The following PARD3B variants were observed in gnomAD, a reference collection of about 807,000 sequenced individuals.
The protein encoded by PARD3B is partitioning defective 3 homolog B.
In PARD3B, 103 loss-of-function variants were observed where a neutral mutation model predicts 130.2. The observed-to-expected ratio is 0.79, with a 90% confidence interval of 0.67 to 0.93. The LOEUF is 0.93. Ranked by LOEUF, PARD3B falls within the 40% of genes least tolerant of loss-of-function variation. PARD3B has a pLI of 0.00. For synonymous variants in PARD3B, 583 were observed against 553.2 expected (o/e 1.05, Z -0.76); for missense variants, 1,609 against 1,499.2 (o/e 1.07, Z -1.21).
At chr2:205,286,667 T>G (rs1412909905) in intron 16 of PARD3B, among the ~76,000 whole-genome samples, 1 of 152,204 alleles carries the variant, frequency 6.6e-6, no homozygotes, top group Non-Finnish European at 1.5e-5. Flanking sequence ...ATAGATACCC[T>G]CTTCCTGGGA....
chr2:205,613,058 T>A (rs555564356), intron 22 of PARD3B, among the ~76,000 whole-genome samples: 30 of 152,336 alleles, frequency 2.0e-4, no homozygotes, highest in African/African-American at 5.1e-4. Context: ...TCTTTTATAA[T>A]GCTCTGTTTT....
chr2:205,005,097 C>G (rs1298086795), intron 3 of PARD3B, among the ~76,000 whole-genome samples: 1 of 152,024 alleles, frequency 6.6e-6, no homozygotes, highest in East Asian at 1.9e-4. Context: ...TCATCCCCTC[C>G]CTTCCTAATT....
intron 2 of PARD3B, among the ~76,000 whole-genome samples, chr2:204,833,020 G>C (rs566148997): frequency 1.3e-5 from 2 of 152,280 alleles, no homozygotes; most frequent in South Asian, 4.1e-4. Context: ...TAAGCAGGCA[G>C]TTAAACATAC....
In PARD3B at chr2:205,529,652, G is replaced by T. The variant is rs144698250; in HGVS notation, c.3181-23672G>T. Among the ~76,000 whole-genome samples, 1,079 of 152,248 alleles carry T rather than the reference G, an allele frequency of 7.1e-3. 16 individuals are homozygous for T. Among genetic ancestry groups the T allele is most frequent in the African/African-American group, 0.025 (1,035 of 41,534 alleles). ...CTTCACTTTCTTTACTGACACGGCT[G>T]TTTGAGTTAGTAGCTTTTTGGACAT... is the stretch of plus-strand genomic sequence containing the variant. On this transcript the variant is annotated intron_variant, in intron 21 of 22. Transcript: ENST00000406610.
At chr2:205,178,010 A>G (rs2035565077) in intron 13 of PARD3B, among the ~76,000 whole-genome samples, 1 of 151,944 alleles carries the variant, frequency 6.6e-6, no homozygotes, top group Non-Finnish European at 1.5e-5. Context: ...AATGCCCATT[A>G]GAAGCTGACT....
At position 205,490,404 on chromosome 2, in the gene PARD3B, G is replaced by C. The variant is rs997220147; in HGVS notation, c.3045-9492G>C. On this transcript the variant is annotated intron_variant, in intron 20 of 22. Transcript: ENST00000406610. ...TGGCAATAGTTTGCTGAGAATTATG[G>C]TTTCCAGCTTCATCCATGTCCCTAC... Among the ~76,000 whole-genome samples, 2 of 152,028 alleles carry C rather than the reference G, an allele frequency of 1.3e-5. 1 individual carries two copies. The highest frequency in any genetic ancestry group is 4.8e-5 in the African/African-American group (2 of 41,402).
intron 3 of PARD3B, among the ~76,000 whole-genome samples, chr2:204,975,032 AT>A (rs941373931): frequency 6.6e-6 from 1 of 152,204 alleles, no homozygotes; most frequent in African/African-American, 2.4e-5. Flanking sequence ...CAAGTTATAT[AT>A]TTTTATCATA....
At chr2:205,444,227 C>T (rs1322833763) in intron 20 of PARD3B, among the ~76,000 whole-genome samples, 2 of 152,154 alleles carry the variant, frequency 1.3e-5, no homozygotes, top group Non-Finnish European at 2.9e-5. Context: ...AGGTGATCTG[C>T]CCCCCTTGGC....
chr2:205,079,968 T>C (rs1175904890), intron 4 of PARD3B, among the ~76,000 whole-genome samples: 1 of 152,200 alleles, frequency 6.6e-6, no homozygotes, highest in Non-Finnish European at 1.5e-5. Flanking sequence ...AGCTATGGTA[T>C]AGAATTAGAA....
chr2:205,322,052 A>G (rs2042770425), intron 18 of PARD3B, among the ~76,000 whole-genome samples: 1 of 152,136 alleles, frequency 6.6e-6, no homozygotes, highest in African/African-American at 2.4e-5. Flanking sequence ...GACTTGTTAT[A>G]TTTTCCATTT....
intron 22 of PARD3B, among the ~76,000 whole-genome samples, chr2:205,555,543 G>T (rs1378979146): frequency 6.6e-6 from 1 of 152,170 alleles, no homozygotes; most frequent in East Asian, 1.9e-4. Flanking sequence ...TGTGGTGGGG[G>T]TTTTCTGTCA....
At chr2:205,553,743 A>G (rs1165084967) in intron 22 of PARD3B, among the ~76,000 whole-genome samples, 1 of 152,166 alleles carries the variant, frequency 6.6e-6, no homozygotes, top group Non-Finnish European at 1.5e-5. Flanking sequence ...CTGTCCTAGG[A>G]GTTACGCACG....
At chr2:204,905,681 G>A (rs2047018516) in intron 2 of PARD3B, among the ~76,000 whole-genome samples, 2 of 152,186 alleles carry the variant, frequency 1.3e-5, no homozygotes, top group African/African-American at 4.8e-5. Context: ...AAGTGGGTGG[G>A]CACAGTGGCA....
At chr2:204,657,129 C>G (rs2035665951) in intron 1 of PARD3B, among the ~76,000 whole-genome samples, 1 of 152,224 alleles carries the variant, frequency 6.6e-6, no homozygotes, top group Admixed American at 6.5e-5. Context: ...GTATCACTTT[C>G]TTCTCTTCAC....
Position 205,047,476 on chromosome 2 carries a change from T to G in PARD3B, c.395-105T>G, listed in dbSNP as rs183964597. ...AGCATCCTTAGAAATAGAATGTTTTTACATAAAAGCCTGTTGTAAACCTTT... is the reference window on the plus strand; with the variant it reads ...AGCATCCTTAGAAATAGAATGTTTTGACATAAAAGCCTGTTGTAAACCTTT... On this transcript the variant is annotated intron_variant, in intron 3 of 22. Coordinates refer to ENST00000406610, the MANE Select transcript of PARD3B (RefSeq NM_001302769.2). 1.7e-3 allele frequency: 1,049 copies of G among 600,920 alleles called. 8 individuals are homozygous for G. The African/African-American group carries it at 0.018, about 10-fold the overall frequency. 37.2% of individuals were successfully genotyped at this position (600,920 alleles called of 1,614,324 possible).
At chr2:204,935,813 A>C (rs1057485000) in intron 2 of PARD3B, among the ~76,000 whole-genome samples, 5 of 152,136 alleles carry the variant, frequency 3.3e-5, no homozygotes, top group African/African-American at 1.2e-4. Context: ...AAATATCAGT[A>C]TTTTAAATAA....
intron 1 of PARD3B, among the ~76,000 whole-genome samples, chr2:204,591,646 G>A (rs1295754772): frequency 6.6e-6 from 1 of 152,190 alleles, no homozygotes; most frequent in South Asian, 2.1e-4. Context: ...CAGGGGCTAA[G>A]GTTCATAAGC....
At chr2:205,000,748 GT>G (rs1694761038) in intron 3 of PARD3B, among the ~76,000 whole-genome samples, 1 of 152,082 alleles carries the variant, frequency 6.6e-6, no homozygotes, top group East Asian at 1.9e-4. Context: ...TTTTTTTAGA[GT>G]TTCAAACTGA....
chr2:204,965,899 A>G (rs770446388), intron 3 of PARD3B, among the ~76,000 whole-genome samples: 1 of 152,234 alleles, frequency 6.6e-6, no homozygotes, highest in Non-Finnish European at 1.5e-5. Flanking sequence ...TACAACTCCA[A>G]GAGAAATAAC....
Sources: allele counts gnomAD v4.1 joint callset (sites outside exome capture counted in the v4.1 genomes callset), GRCh38; gene constraint gnomAD v4.1.1; transcripts MANE v1.5; gene names NCBI Gene and HGNC (gene_info 2026-07-23, HGNC 2026-07-21).